SMYD3: variants seen among roughly 807,000 people sequenced by gnomAD.
SMYD3 encodes the protein histone-lysine N-methyltransferase SMYD3.
Under a neutral mutation model 57.7 loss-of-function variants are expected in SMYD3, and 36 were observed. The observed-to-expected ratio is 0.62, with a 90% CI of 0.48 to 0.82. The LOEUF (loss-of-function observed/expected upper bound fraction) is 0.82, where lower values mean the gene tolerates loss of function less well. SMYD3 is among the 40% of genes least tolerant of loss of function. The pLI is 0.00. For synonymous variants in SMYD3, 211 were observed against 195.0 expected (o/e 1.08, Z -0.68); for missense variants, 515 against 538.8 (o/e 0.96, Z 0.44).
chr1:246,102,440 AG>A (rs2061031752), intron 5 of SMYD3, among the ~76,000 whole-genome samples: 1 of 152,164 alleles, frequency 6.6e-6, no homozygotes, highest in Non-Finnish European at 1.5e-5. Flanking sequence ...TCTCCATTAA[AG>A]GGTAAACCCT....
intron 5 of SMYD3, among the ~76,000 whole-genome samples, chr1:246,012,683 T>C (rs1200355084): frequency 2.0e-5 from 3 of 152,102 alleles, no homozygotes; most frequent in African/African-American, 7.2e-5. Context: ...CAATAGTCTA[T>C]GCACAGGCAT....
intron 5 of SMYD3, among the ~76,000 whole-genome samples, chr1:246,073,054 G>T (rs1215994180): frequency 6.6e-6 from 1 of 152,084 alleles, no homozygotes; most frequent in African/African-American, 2.4e-5. Context: ...TGTCTGTCAG[G>T]GTATTTTTGA....
chr1:246,273,135 C>CTTTTTTTT (rs71299006), intron 5 of SMYD3, among the ~76,000 whole-genome samples: 2,780 of 107,430 alleles, frequency 0.026, 181 homozygotes, highest in Non-Finnish European at 0.03. Context: ...TCCCTGTTTT[C>CTTTTTTTT]TTTTTTTTTT....
chr1:246,353,643 G>A (rs564904291), intron 2 of SMYD3, among the ~76,000 whole-genome samples: 2 of 152,318 alleles, frequency 1.3e-5, no homozygotes, highest in African/African-American at 4.8e-5. Context: ...GCAGTTAAAA[G>A]TCTGAATACC....
chr1:245,910,274 T>G (rs1173058773), intron 8 of SMYD3, among the ~76,000 whole-genome samples: 1 of 152,016 alleles, frequency 6.6e-6, no homozygotes, highest in Non-Finnish European at 1.5e-5. Context: ...AATAAAAGTA[T>G]AAAGCATTGA....
At position 246,153,046 on chromosome 1, in the gene SMYD3, C is replaced by T. The variant is rs114546206; in HGVS notation, c.531+174155G>A. On this transcript the variant is annotated intron_variant, in intron 5 of 11. Transcript: ENST00000490107. Reference sequence around the variant, plus strand: ...GATGTCCAATTTTCTCTTGTAGCTGCATGGGGCCCAGAACCGTATCACATG... The same window carrying T: ...GATGTCCAATTTTCTCTTGTAGCTGTATGGGGCCCAGAACCGTATCACATG... Among the ~76,000 whole-genome samples the T allele has an allele frequency of 6.3e-3, 957 of 152,254 alleles. 12 individuals carry two copies. Among genetic ancestry groups the T allele is most frequent in the African/African-American group, 0.021 (889 of 41,544 alleles).
chr1:246,506,998 T>C (rs112001464), intron 1 of SMYD3, 56 bp downstream of exon 1: 24,595 of 209,892 alleles, frequency 0.12, 1,099 homozygotes, highest in African/African-American at 0.35. Flanking sequence ...CGCCCCCCCC[T>C]CCCCAGCACC....
chr1:246,322,680 G>A (rs144357744), intron 5 of SMYD3, among the ~76,000 whole-genome samples: 129 of 151,792 alleles, frequency 8.5e-4, no homozygotes, highest in Non-Finnish European at 1.4e-3. Context: ...TTTTATCTCC[G>A]TTCAGCCACA....
At chr1:246,209,833 CT>C (rs746852652) in intron 5 of SMYD3, among the ~76,000 whole-genome samples, 5 of 152,152 alleles carry the variant, frequency 3.3e-5, no homozygotes, top group Non-Finnish European at 7.3e-5. Context: ...ATTAGTCTGA[CT>C]CTAGTGAATC....
chr1:246,466,533 A>C (rs1038315622), intron 1 of SMYD3, among the ~76,000 whole-genome samples: 3 of 152,182 alleles, frequency 2.0e-5, no homozygotes, highest in Admixed American at 6.5e-5. Context: ...TTGAGGGTGG[A>C]GGTTGGAAGG....
At chr1:246,421,185 A>G (rs2067138190) in intron 1 of SMYD3, among the ~76,000 whole-genome samples, 4 of 152,222 alleles carry the variant, frequency 2.6e-5, no homozygotes. Context: ...AGCTTCTTTA[A>G]TATCTACTAA....
At chr1:246,440,390 T>G (rs2067444269) in intron 1 of SMYD3, among the ~76,000 whole-genome samples, 1 of 152,154 alleles carries the variant, frequency 6.6e-6, no homozygotes, top group Admixed American at 6.5e-5. Context: ...TTGCAGAAGT[T>G]ATTTCATCCT....
At chr1:246,102,334 C>T (rs1317245553) in intron 5 of SMYD3, among the ~76,000 whole-genome samples, 1 of 152,196 alleles carries the variant, frequency 6.6e-6, no homozygotes, top group South Asian at 2.1e-4. Flanking sequence ...AACCACTGCA[C>T]CGTCTCTCAG....
chr1:246,145,456 T>C (rs2061828364), intron 5 of SMYD3, among the ~76,000 whole-genome samples: 1 of 152,190 alleles, frequency 6.6e-6, no homozygotes, highest in Admixed American at 6.5e-5. Flanking sequence ...TAAAAGGCAA[T>C]ATAGGCATCT....
chr1:246,027,695 C>T (rs910237656), intron 5 of SMYD3, among the ~76,000 whole-genome samples: 2 of 152,162 alleles, frequency 1.3e-5, no homozygotes, highest in Admixed American at 6.5e-5. Context: ...CCAAGAGCTC[C>T]GATGGAGATG....
At chr1:245,880,073 C>A (rs371651895) in intron 8 of SMYD3, among the ~76,000 whole-genome samples, 3 of 151,998 alleles carry the variant, frequency 2.0e-5, no homozygotes, top group Non-Finnish European at 4.4e-5. Flanking sequence ...AGCACAGGTG[C>A]GTTGCTGTAC....
chr1:246,448,014 A>G (rs12066012), intron 1 of SMYD3, among the ~76,000 whole-genome samples: 130 of 152,312 alleles, frequency 8.5e-4, no homozygotes, highest in African/African-American at 3.1e-3. Flanking sequence ...ATACATTTTA[A>G]CTCATCCCTA....
intron 1 of SMYD3, among the ~76,000 whole-genome samples, chr1:246,443,840 C>T (rs942795296): frequency 6.2e-4 from 95 of 152,170 alleles, no homozygotes; most frequent in Non-Finnish European, 2.5e-4. Flanking sequence ...GTCCACCAAA[C>T]AATCTAATTG....
intron 10 of SMYD3, among the ~76,000 whole-genome samples, chr1:245,790,677 T>C (rs917973715): frequency 1.3e-5 from 2 of 152,158 alleles, no homozygotes; most frequent in East Asian, 1.9e-4. Flanking sequence ...TAAGCCACAA[T>C]GGGGGATGAG....
Sources: gnomAD v4.1 joint callset for allele counts (sites outside exome capture counted in the v4.1 genomes callset) on GRCh38, gnomAD v4.1.1 for gene constraint, MANE v1.5 for transcripts, NCBI Gene and HGNC (gene_info 2026-07-23, HGNC 2026-07-21) for gene names.